COL6A2: variants seen among roughly 807,000 people sequenced by gnomAD.
COL6A2 encodes the protein collagen alpha-2(VI) chain.
COL6A2 carries 90 observed loss-of-function variants against 124.9 expected under a neutral mutation model. That is an observed-to-expected ratio of 0.72 (90% CI 0.61 to 0.86). The LOEUF is 0.86. Ranked by LOEUF, COL6A2 falls within the 40% of genes least tolerant of loss-of-function variation. The pLI, the probability that COL6A2 is intolerant of heterozygous loss-of-function variation, is 0.00. For missense variants in COL6A2, 1,607 were observed against 1,502.5 expected (o/e 1.07, Z -1.15); for synonymous variants, 793 against 618.2 (o/e 1.28, Z -4.19).
intron 1 of COL6A2, among the ~76,000 whole-genome samples, chr21:46,103,919 G>T (rs1467374023): frequency 6.6e-6 from 1 of 152,120 alleles, no homozygotes; most frequent in Non-Finnish European, 1.5e-5. Context: ...CTTTTGAGAC[G>T]TAGACATTGA....
chr21:46,116,955 ACG>A lies in COL6A2; in HGVS notation c.999+142_999+143del, dbSNP rs1491502995. ...CACACACACACACACACACACACACACGAACTTCAGCTCCTGCCACATCCCAC... is the reference window on the plus strand; with the variant it reads ...CACACACACACACACACACACACACAAACTTCAGCTCCTGCCACATCCCAC... On this transcript the variant is annotated intron_variant, in intron 10 of 27. Transcript: ENST00000300527. This position sits in a 1 kb window ranked among gnomAD's most constrained non-coding sequence, Gnocchi z 4.6. 1.8e-5 allele frequency: 15 copies of A among 814,762 alleles called. No homozygotes were observed. Among genetic ancestry groups the A allele is most frequent in the Non-Finnish European group, 2.0e-5 (10 of 508,974 alleles). The allele number at this position is 814,762 out of a possible 1,614,324, so 50.5% of individuals were successfully genotyped here.
chr21:46,129,132 A>C (rs1327731760), intron 27 of COL6A2: 14 of 1,609,112 alleles, frequency 8.7e-6, no homozygotes, highest in Non-Finnish European at 1.2e-5. Context: ...CGGCTGCCCG[A>C]GGAGGAGCTC....
rs566176943 is a variant in COL6A2 at position 46,100,293 on chromosome 21, T to C, written c.-28+2120T>C. ...TTTTAAGAGACGGGGTCTCACTATGTTGCCCAGGCCATGGATGTGTTTGTT... is the reference window on the plus strand; with the variant it reads ...TTTTAAGAGACGGGGTCTCACTATGCTGCCCAGGCCATGGATGTGTTTGTT... On this transcript the variant is annotated intron_variant, in intron 1 of 27. Coordinates refer to ENST00000300527, the MANE Select transcript of COL6A2 (RefSeq NM_001849.4). Among the ~76,000 whole-genome samples, 3 of 152,234 alleles carry C rather than the reference T, an allele frequency of 2.0e-5. No homozygotes were observed. The East Asian group carries it at 5.8e-4, about 29-fold the overall frequency.
intron 27 of COL6A2, 77 bp downstream of exon 27, chr21:46,126,618 TG>T: frequency 6.6e-7 from 1 of 1,512,756 alleles, no homozygotes; most frequent in Non-Finnish European, 9.1e-7. Context: ...AGGGCCGGGC[TG>T]GGGGAGGGGC....
chr21:46,119,068 T>C lies in COL6A2; in HGVS notation c.1218T>C (p.Gly406=), dbSNP rs2078520892. ...QGNSGAPGSP[G]VKGAKGGPGP... Reference sequence around the variant, plus strand: ...ACAGTGGAGCCCCAGGAAGTCCTGGTGTGAAAGGAGCCAAGGGCGGGCCTG... The same window carrying C: ...ACAGTGGAGCCCCAGGAAGTCCTGGCGTGAAAGGAGCCAAGGGCGGGCCTG... The change falls in exon 14 of 28, where the codon GGT becomes GGC. Residue 406 remains glycine (G), a synonymous_variant. Coordinates refer to ENST00000300527, the MANE Select transcript of COL6A2 (RefSeq NM_001849.4). 1.2e-6 allele frequency: 2 copies of C among 1,612,162 alleles called. No homozygotes were observed. The highest frequency in any genetic ancestry group is 1.7e-5 in the Admixed American group (1 of 59,972).
rs1339352133 is a variant in COL6A2 at position 46,122,913 on chromosome 21, G to A, written c.1647G>A (p.Gly549=). The A allele has an allele frequency of 1.1e-5, 17 of 1,613,192 alleles. No homozygotes were observed. Among genetic ancestry groups the A allele is most frequent in the Non-Finnish European group, 1.4e-5 (16 of 1,179,936 alleles). ...RGDFGLKGEP[G]RKGEKGEPAD... ...ACTTTGGCTTGAAAGGAGAACCTGGGAGGAAAGGAGAGAAAGGAGAGCCTG... is the reference window on the plus strand; with the variant it reads ...ACTTTGGCTTGAAAGGAGAACCTGGAAGGAAAGGAGAGAAAGGAGAGCCTG... Residue 549 remains glycine (G), a synonymous_variant, in exon 21 of 28, where the codon GGG becomes GGA. Coordinates refer to ENST00000300527, the MANE Select transcript of COL6A2 (RefSeq NM_001849.4).
chr21:46,123,014 A>G (rs934058591), intron 21 of COL6A2, 77 bp downstream of exon 21: 19 of 1,383,280 alleles, frequency 1.4e-5, no homozygotes, highest in Admixed American at 8.4e-5. Context: ...GTGTGCATCT[A>G]TGAGTACAGG....
rs387906608 is a variant in COL6A2 at position 46,132,118 on chromosome 21, C to A, written c.2626C>A (p.Arg876Ser). Residue 876 changes from arginine (R) to serine (S), a missense_variant, in exon 28 of 28, where the codon CGC becomes AGC. Arg to Ser is a moderately radical substitution (Grantham distance 110, BLOSUM62 -1). This residue lies in a region of COL6A2 where 1,223 missense variants were observed against 1,052.2 expected (regional missense o/e 1.16). Coordinates refer to ENST00000300527, the MANE Select transcript of COL6A2 (RefSeq NM_001849.4). The stretch of plus-strand genomic sequence containing the variant: ...GAGGGACGACGACCCTCTCAACGCA[C>A]GCGTGGCGCTGCTGCAGTTTGGTGG... ...ARRDDDPLNA[R>S]VALLQFGGPG... 1.9e-6 allele frequency: 3 copies of A among 1,583,324 alleles called. No individual in the cohort carries two copies. The East Asian group carries it at 7.0e-5, about 37-fold the overall frequency.
chr21:46,110,153 C>T (rs904146480), intron 1 of COL6A2, among the ~76,000 whole-genome samples: 1 of 151,922 alleles, frequency 6.6e-6, no homozygotes, highest in Non-Finnish European at 1.5e-5. Context: ...TCACCCAGCA[C>T]ACCACCCGGC....
Position 46,126,592 on chromosome 21 carries a change from G to T in COL6A2, c.2461+51G>T, listed in dbSNP as rs764643580. The T allele has an allele frequency of 7.5e-6, 12 of 1,610,450 alleles. No homozygotes were observed. The African/African-American group carries it at 1.6e-4, about 22-fold the overall frequency. On this transcript the variant is annotated intron_variant, in intron 27 of 27. Coordinates refer to ENST00000300527, the MANE Select transcript of COL6A2 (RefSeq NM_001849.4). The stretch of plus-strand genomic sequence containing the variant: ...ACCCCAGACTAGCAAAGCAGCCCTG[G>T]TGTCCTTCCTCCTCGAGGGCCGGGC...
chr21:46,119,096 C>T lies in COL6A2; in HGVS notation c.1246C>T (p.Pro416Ser). ...GAAAGGAGCCAAGGGCGGGCCTGGG[C>T]CCCGCGGACCCAAAGGCGAGCCGGT... is the stretch of plus-strand genomic sequence containing the variant. The part of the protein sequence containing the change: ...GVKGAKGGPG[P>S]RGPKGEPGRR... Residue 416 changes from proline to serine, a missense_variant, in exon 14 of 28, where the codon CCC (proline) becomes TCC (serine). Physicochemically the swap from Pro to Ser is moderately conservative, Grantham distance 74. Transcript: ENST00000300527. 2 of 1,612,146 alleles carry T rather than the reference C, an allele frequency of 1.2e-6. No homozygotes were observed. The highest frequency in any genetic ancestry group is 8.5e-7 in the Non-Finnish European group (1 of 1,179,748).
rs148249892 is a variant in COL6A2, at chr21:46,132,153, G to A, written c.2661G>A (p.Glu887=). Residue 887 remains glutamate (E), a synonymous_variant, in exon 28 of 28, where the codon GAG becomes GAA. Coordinates refer to ENST00000300527, the MANE Select transcript of COL6A2 (RefSeq NM_001849.4). ...VALLQFGGPG[E]QQVAFPLSHN... ...TGCTGCAGTTTGGTGGCCCCGGCGAGCAGCAGGTGGCCTTCCCGCTGAGCC... is the reference window on the plus strand; with the variant it reads ...TGCTGCAGTTTGGTGGCCCCGGCGAACAGCAGGTGGCCTTCCCGCTGAGCC... The A allele has an allele frequency of 3.1e-4, 486 of 1,569,366 alleles. 1 individual carries two copies. Among genetic ancestry groups the A allele is most frequent in the Admixed American group, 1.0e-3 (54 of 53,230 alleles).
At chr21:46,115,724 G>A (rs564213721) in intron 5 of COL6A2, 148 bp from the exon 6 acceptor site, 16 of 750,826 alleles carry the variant, frequency 2.1e-5, no homozygotes, top group Non-Finnish European at 3.2e-5. Flanking sequence ...CTGGCCCTTT[G>A]GGGAGCAGCT....
intron 16 of COL6A2, among the ~76,000 whole-genome samples, chr21:46,120,815 C>CAGGTGAG (rs2078554280): frequency 2.6e-5 from 4 of 151,912 alleles, no homozygotes; most frequent in Admixed American, 1.3e-4. Flanking sequence ...GTAGGGGACC[C>CAGGTGAG]AGGTGAGGGC....
chr21:46,119,102 G>A lies in COL6A2; in HGVS notation c.1252G>A (p.Gly418Arg), dbSNP rs768681228. The A allele has an allele frequency of 2.0e-5, 32 of 1,611,636 alleles. No homozygotes were observed. Among genetic ancestry groups the A allele is most frequent in the East Asian group, 4.5e-5 (2 of 44,824 alleles). Reference sequence around the variant, plus strand: ...AGCCAAGGGCGGGCCTGGGCCCCGCGGACCCAAAGGCGAGCCGGTGAGTCC... The same window carrying A: ...AGCCAAGGGCGGGCCTGGGCCCCGCAGACCCAAAGGCGAGCCGGTGAGTCC... ...KGAKGGPGPR[G>R]PKGEPGRRGD... The change falls in exon 14 of 28, where the codon GGA becomes AGA. Residue 418 changes from glycine (G) to arginine (R), a missense_variant. Gly to Arg is a moderately radical substitution (Grantham distance 125). This residue lies in a region of COL6A2 where 1,223 missense variants were observed against 1,052.2 expected (regional missense o/e 1.16). Transcript: ENST00000300527.
intron 19 of COL6A2, 125 bp downstream of exon 19, chr21:46,122,283 G>T: frequency 7.9e-7 from 1 of 1,262,204 alleles, no homozygotes. Context: ...TCCCTCCTGC[G>T]GGACAGAGTG....
chr21:46,128,630 G>A (rs2078711075), intron 27 of COL6A2, among the ~76,000 whole-genome samples: 1 of 152,232 alleles, frequency 6.6e-6, no homozygotes, highest in Admixed American at 6.5e-5. Flanking sequence ...AGGCAGTCAG[G>A]GCAGGGCGCA....
At chr21:46,128,582 A>G (rs2078710181) in intron 27 of COL6A2, among the ~76,000 whole-genome samples, 1 of 152,136 alleles carries the variant, frequency 6.6e-6, no homozygotes, top group Non-Finnish European at 1.5e-5. Context: ...TTGCGTGGGG[A>G]CCAGAGGGTG....
Position 46,132,192 on chromosome 21 carries a change from C to A in COL6A2, c.2700C>A (p.Ala900=). The A allele has an allele frequency of 6.3e-7, 1 of 1,577,622 alleles. No homozygotes were observed. The stretch of plus-strand genomic sequence containing the variant: ...TCCCGCTGAGCCACAACCTCACGGC[C>A]ATCCACGAGGCGCTGGAGACCACAC... The part of the protein sequence containing the change: ...VAFPLSHNLT[A]IHEALETTQY... The change falls in exon 28 of 28, where the codon GCC becomes GCA. Residue 900 remains alanine, a synonymous_variant. Coordinates refer to ENST00000300527, the MANE Select transcript of COL6A2 (RefSeq NM_001849.4).
Sources: gnomAD v4.1 joint callset for allele counts (sites outside exome capture counted in the v4.1 genomes callset) on GRCh38, gnomAD v4.1.1 for gene constraint, gnomAD v4.1.1 regional missense constraint, Gnocchi (gnomAD v3.1) non-coding constraint, MANE v1.5 for transcripts, NCBI Gene and HGNC (gene_info 2026-07-23, HGNC 2026-07-21) for gene names.